The following FOCAD variants were observed in gnomAD, a reference collection of about 807,000 sequenced individuals.
FOCAD encodes focadhesin.
Under a neutral mutation model 225.6 loss-of-function variants are expected in FOCAD, and 198 were observed. That is an observed-to-expected ratio of 0.88 (90% CI 0.78 to 0.99). FOCAD has a LOEUF of 0.99. Ranked by LOEUF, FOCAD falls within the 50% of genes least tolerant of loss-of-function variation. FOCAD has a pLI of 0.00. For missense variants in FOCAD, 2,713 were observed against 2,123.6 expected (o/e 1.28, Z -5.46); for synonymous variants, 897 against 755.0 (o/e 1.19, Z -3.08).
At chr9:20,664,308 G>A (rs1821831077) in intron 2 of FOCAD, among the ~76,000 whole-genome samples, 1 of 148,738 alleles carries the variant, frequency 6.7e-6, no homozygotes, top group African/African-American at 2.5e-5. Context: ...CTGACATCTA[G>A]TATGACCATA....
chr9:20,776,826 A>C (rs532264739), intron 8 of FOCAD, among the ~76,000 whole-genome samples: 7 of 152,182 alleles, frequency 4.6e-5, no homozygotes, highest in Non-Finnish European at 7.3e-5. Context: ...TCTGAGGTTT[A>C]AGTGATCTTG....
At chr9:20,773,662 C>G (rs1330807089) in intron 8 of FOCAD, among the ~76,000 whole-genome samples, 1 of 152,154 alleles carries the variant, frequency 6.6e-6, no homozygotes, top group African/African-American at 2.4e-5. Context: ...TTTGTCATCT[C>G]AGTGTGTATC....
intron 16 of FOCAD, 57 bp downstream of exon 16, chr9:20,862,769 T>G: frequency 6.4e-7 from 1 of 1,556,542 alleles, no homozygotes; most frequent in Non-Finnish European, 8.7e-7. Context: ...ATGTGTGTTA[T>G]AATAACTTTT....
chr9:20,675,365 T>C (rs1184219568), intron 2 of FOCAD, among the ~76,000 whole-genome samples: 1 of 152,222 alleles, frequency 6.6e-6, no homozygotes, highest in Non-Finnish European at 1.5e-5. Context: ...AAAAGTGAAC[T>C]TTTTGTGTCA....
chr9:20,740,449 G>A (rs1586983996), intron 5 of FOCAD, 109 bp downstream of exon 5: 1 of 606,102 alleles, frequency 1.6e-6, no homozygotes, highest in East Asian at 3.0e-5. Context: ...AGCAGGATAT[G>A]CACACAGTGA....
chr9:20,733,018 GTTGATA>G (rs1268359616), intron 4 of FOCAD, among the ~76,000 whole-genome samples: 1 of 151,966 alleles, frequency 6.6e-6, no homozygotes, highest in African/African-American at 2.4e-5. Context: ...GCCTTTTTTT[GTTGATA>G]TCCCCTGAAC....
intron 8 of FOCAD, among the ~76,000 whole-genome samples, chr9:20,778,089 C>CAAAAAAAAAAAAAAA (rs1184354592): frequency 1.2e-5 from 1 of 84,190 alleles, no homozygotes; most frequent in Non-Finnish European, 2.3e-5. Context: ...GACTCCGTCT[C>CAAAAAAAAAAAAAAA]AAAAAAAAAA....
intron 8 of FOCAD, among the ~76,000 whole-genome samples, chr9:20,771,492 C>T (rs1818222659): frequency 6.6e-6 from 1 of 152,182 alleles, no homozygotes; most frequent in Non-Finnish European, 1.5e-5. Flanking sequence ...GGTGCAGTGG[C>T]TCTCACCTGT....
intron 21 of FOCAD, among the ~76,000 whole-genome samples, chr9:20,904,082 C>T (rs1343889273): frequency 6.6e-6 from 1 of 151,950 alleles, no homozygotes; most frequent in Non-Finnish European, 1.5e-5. Flanking sequence ...CATAGTGTAT[C>T]AGTACTTCAT....
At chr9:20,783,718 A>T (rs564236886) in intron 10 of FOCAD, among the ~76,000 whole-genome samples, 56 of 152,150 alleles carry the variant, frequency 3.7e-4, no homozygotes, top group South Asian at 1.5e-3. Context: ...AATAAATATT[A>T]AAAAAAGTAA....
chr9:20,887,620 TTAAGAC>T (rs1454336734), intron 21 of FOCAD, among the ~76,000 whole-genome samples: 1 of 152,208 alleles, frequency 6.6e-6, no homozygotes, highest in Non-Finnish European at 1.5e-5. Flanking sequence ...TTTTCAATGA[TTAAGAC>T]TAAAGTTTCT....
chr9:20,764,753 C>G (rs778516848), intron 6 of FOCAD, 116 bp from the exon 7 acceptor site: 261 of 794,942 alleles, frequency 3.3e-4, no homozygotes, highest in Admixed American at 1.5e-3. Context: ...AAAGAAGTTA[C>G]ACTTGATGAT....
At chr9:20,728,740 T>C (rs953995669) in intron 4 of FOCAD, among the ~76,000 whole-genome samples, 2 of 152,232 alleles carry the variant, frequency 1.3e-5, no homozygotes, top group African/African-American at 4.8e-5. Context: ...ATCTTTATTG[T>C]AGACTTTTGG....
chr9:20,726,365 C>G, intron 4 of FOCAD: 1 of 152,120 alleles, frequency 6.6e-6, no homozygotes, highest in East Asian at 1.9e-4. Flanking sequence ...AGTTTTGATA[C>G]TGAGGTGTCA....
chr9:20,689,500 G>T (rs909381400), intron 1 of FOCAD, among the ~76,000 whole-genome samples: 1 of 152,158 alleles, frequency 6.6e-6, no homozygotes, highest in Non-Finnish European at 1.5e-5. Context: ...TCTGGGCCTT[G>T]GGACTTGGAA....
At chr9:20,792,102 G>C (rs1206747334) in intron 11 of FOCAD, among the ~76,000 whole-genome samples, 3 of 152,118 alleles carry the variant, frequency 2.0e-5, no homozygotes, top group Admixed American at 6.6e-5. Flanking sequence ...TATTTGTAGA[G>C]GGAATACCTA....
At chr9:20,764,659 C>T (rs1004427234) in intron 6 of FOCAD, among the ~76,000 whole-genome samples, 1 of 152,170 alleles carries the variant, frequency 6.6e-6, no homozygotes, top group Non-Finnish European at 1.5e-5. Context: ...TTACAGTCTC[C>T]AGGTGTTGAA....
chr9:20,847,497 G>A (rs1182151523), intron 15 of FOCAD, among the ~76,000 whole-genome samples: 1 of 148,682 alleles, frequency 6.7e-6, no homozygotes, highest in Non-Finnish European at 1.5e-5. Flanking sequence ...TTAGATTCAT[G>A]CAGTATTGTT....
intron 19 of FOCAD, among the ~76,000 whole-genome samples, chr9:20,879,004 G>C (rs1472523795): frequency 6.6e-6 from 1 of 152,092 alleles, no homozygotes; most frequent in Middle Eastern, 3.2e-3. Context: ...ACAATTGGAT[G>C]GTGCCCATCA....
Sources: allele counts gnomAD v4.1 joint callset (sites outside exome capture counted in the v4.1 genomes callset), GRCh38; gene constraint gnomAD v4.1.1; transcripts MANE v1.5; gene names NCBI Gene and HGNC (gene_info 2026-07-23, HGNC 2026-07-21).